Variants in ZNF888 observed in about 807,000 individuals in gnomAD.
The protein encoded by ZNF888 is zinc finger protein 888.
In ZNF888, 5 loss-of-function variants were observed where a neutral mutation model predicts 7.2. The ratio of observed to expected loss-of-function variants is 0.70; its 90% CI spans 0.36 to 1.46. The LOEUF is 1.46. ZNF888 is among the 40% of genes most tolerant of loss of function. The pLI, the probability that ZNF888 is intolerant of heterozygous loss-of-function variation, is 0.03. For synonymous variants in ZNF888, 240 were observed against 284.3 expected (o/e 0.84, Z 1.57); for missense variants, 716 against 858.0 (o/e 0.83, Z 2.07).
intron 1 of ZNF888, among the ~76,000 whole-genome samples, chr19:52,922,898 G>A (rs983882285): frequency 4.2e-5 from 5 of 119,002 alleles, no homozygotes; most frequent in African/African-American, 7.1e-5. Flanking sequence ...AACAGGGCCC[G>A]GCATGAGGAG....
In ZNF888 at chr19:52,908,110, C is replaced by A; in HGVS notation, c.212G>T (p.Gly71Val). 2 of 1,614,100 alleles carry A rather than the reference C, an allele frequency of 1.2e-6. No homozygotes were observed. Among genetic ancestry groups the A allele is most frequent in the Non-Finnish European group, 1.7e-6 (2 of 1,180,036 alleles). The change falls in exon 5 of 5, where the codon GGG becomes GTG. Residue 71 changes from glycine to valine, a missense_variant. Gly to Val is a moderately radical substitution (Grantham distance 109, BLOSUM62 -3). This residue lies in a region of ZNF888 where 697 missense variants were observed against 803.4 expected (regional missense o/e 0.87). Coordinates refer to ENST00000638862, the MANE Select transcript of ZNF888 (RefSeq NM_001393938.1). ...ATGACTTGCCAGTCTTTGCAATGTC[C>A]CTGTGTGGATCACTTCTGTATTGCC... is the stretch of plus-strand genomic sequence containing the variant. ...GKGNTEVIHT[G>V]TLQRLASHHI...
In ZNF888 at chr19:52,916,668, A is replaced by T. The variant is rs1187997242; in HGVS notation, c.15+1191T>A. Among the ~76,000 whole-genome samples the T allele has an allele frequency of 7.5e-5, 11 of 146,548 alleles. 1 individual carries two copies. The South Asian group carries it at 2.3e-3, about 31-fold the overall frequency. On this transcript the variant is annotated intron_variant, in intron 3 of 4. Coordinates refer to ENST00000638862, the MANE Select transcript of ZNF888 (RefSeq NM_001393938.1). Reference sequence around the variant, plus strand: ...GGTTTTAAATATATAAAAAGTAGCAAGTTTTGTTTAAGTGAAGAGGAATCT... The same window carrying T: ...GGTTTTAAATATATAAAAAGTAGCATGTTTTGTTTAAGTGAAGAGGAATCT...
chr19:52,919,512 C>A (rs1600690964), intron 1 of ZNF888, among the ~76,000 whole-genome samples: 1 of 71,276 alleles, frequency 1.4e-5, no homozygotes, highest in African/African-American at 4.4e-5. Context: ...TCGCTACAAC[C>A]TCCACCTCCC....
At chr19:52,920,533 G>GAAAAAAAAAAAAAAAA (rs1175516942) in intron 1 of ZNF888, among the ~76,000 whole-genome samples, 1 of 24,810 alleles carries the variant, frequency 4.0e-5, no homozygotes, top group Non-Finnish European at 8.3e-5. Flanking sequence ...AAAAGAAAAG[G>GAAAAAAAAAAAAAAAA]AAAAAAAAAA....
At position 52,905,883 on chromosome 19, in the gene ZNF888, G is replaced by A. The variant is rs549994964; in HGVS notation, c.*282C>T. 8.0e-6 allele frequency: 6 copies of A among 747,396 alleles called. No homozygotes were observed. In the East Asian group the frequency reaches 8.4e-5, roughly 10 times the overall value. The allele number at this position is 747,396 out of a possible 1,614,324, so 46.3% of individuals were successfully genotyped here. ...CTTTGATGTCTAATGAGGTGTGAAC[G>A]TGAAGTAAAGGCTTTGCTCACAATC... On this transcript the variant is annotated 3_prime_UTR_variant, in exon 5 of 5. Coordinates refer to ENST00000638862, the MANE Select transcript of ZNF888 (RefSeq NM_001393938.1).
chr19:52,911,401 T>TGC, intron 4 of ZNF888, among the ~76,000 whole-genome samples: 1 of 150,882 alleles, frequency 6.6e-6, no homozygotes, highest in Non-Finnish European at 1.5e-5. Flanking sequence ...TGCAGTGGCA[T>TGC]GATCTCAGCT....
In ZNF888 at chr19:52,907,737, G is replaced by T; in HGVS notation, c.585C>A (p.Phe195Leu). 1.9e-6 allele frequency: 3 copies of T among 1,613,636 alleles called. No individual in the cohort carries two copies. The South Asian group carries it at 3.3e-5, about 18-fold the overall frequency. Residue 195 changes from phenylalanine to leucine, a missense_variant, in exon 5 of 5, where the codon TTC becomes TTA. Coordinates refer to ENST00000638862, the MANE Select transcript of ZNF888 (RefSeq NM_001393938.1). ...THISNNYGNN[F>L]FHSSLLTQKQ... ...TCTGTGTGAGTAATGAAGAATGGAAGAAATTATTCCCATAGTTATTAGAAA... is the reference window on the plus strand; with the variant it reads ...TCTGTGTGAGTAATGAAGAATGGAATAAATTATTCCCATAGTTATTAGAAA...
At position 52,907,135 on chromosome 19, in the gene ZNF888, T is replaced by G; in HGVS notation, c.1187A>C (p.His396Pro). The change falls in exon 5 of 5, where the codon CAC becomes CCC. Residue 396 changes from histidine to proline, a missense_variant. His to Pro is a moderately conservative substitution (Grantham distance 77). Around this residue, in one of 2 missense-constraint regions of ZNF888, gnomAD observed 697 missense variants for 803.4 expected, o/e 0.87. Transcript: ENST00000638862. Reference sequence around the variant, plus strand: ...GTGAATTACAATATGCTGTGCCAGGTGTGAATCATGTCTGAAAGCCTTGTC... The same window carrying G: ...GTGAATTACAATATGCTGTGCCAGGGGTGAATCATGTCTGAAAGCCTTGTC... ...VCDKAFRHDSHLAQHIVIHTR... is the reference protein window; with the variant it reads ...VCDKAFRHDSPLAQHIVIHTR... 3 of 1,612,392 alleles carry G rather than the reference T, an allele frequency of 1.9e-6. No homozygotes were observed. The highest frequency in any genetic ancestry group is 2.2e-5 in the East Asian group (1 of 44,780).
chr19:52,905,742 T>G lies in ZNF888; in HGVS notation c.*423A>C, dbSNP rs2064600119. 1 of 511,234 alleles carries G rather than the reference T, an allele frequency of 2.0e-6. No homozygotes were observed. Among genetic ancestry groups the G allele is most frequent in the African/African-American group, 1.9e-5 (1 of 53,930 alleles). The allele number at this position is 511,234 out of a possible 1,614,324, so 31.7% of individuals were successfully genotyped here. A position where few individuals can be genotyped will look rare whatever the true frequency, so the allele number is the denominator to read the frequency against. On this transcript the variant is annotated 3_prime_UTR_variant, in exon 5 of 5. Coordinates refer to ENST00000638862, the MANE Select transcript of ZNF888 (RefSeq NM_001393938.1). Reference sequence around the variant, plus strand: ...ATGCTTGATGGTTTGCTATACTCATTGCATTCGGAACTATTATCTCAAAAA... The same window carrying G: ...ATGCTTGATGGTTTGCTATACTCATGGCATTCGGAACTATTATCTCAAAAA...
intron 4 of ZNF888, among the ~76,000 whole-genome samples, chr19:52,910,085 G>T (rs1043981691): frequency 2.8e-5 from 4 of 142,720 alleles, no homozygotes; most frequent in African/African-American, 1.0e-4. Context: ...GAAAGCGGAG[G>T]TTGCAGTGAG....
intron 1 of ZNF888, among the ~76,000 whole-genome samples, chr19:52,920,489 CA>C (rs1191621530): frequency 5.7e-3 from 39 of 6,868 alleles, no homozygotes; most frequent in Non-Finnish European, 0.01. Flanking sequence ...TGCTTGAAGG[CA>C]AAAAAAAAAA....
At position 52,907,703 on chromosome 19, in the gene ZNF888, C is replaced by T. The variant is rs1275466679; in HGVS notation, c.619G>A (p.Val207Ile). 6.2e-7 allele frequency: 1 copy of T among 1,611,766 alleles called. No individual in the cohort carries two copies. The highest frequency in any genetic ancestry group is 8.5e-7 in the Non-Finnish European group (1 of 1,178,978). ...TGGAAAGATTTTTCTTTCCTGTGTA[C>T]ATCCTGTTTCTGTGTGAGTAATGAA... ...HSSLLTQKQD[V>I]HRKEKSFQFN... Residue 207 changes from valine to isoleucine, a missense_variant, in exon 5 of 5, where the codon GTA (valine) becomes ATA (isoleucine). Val to Ile is a conservative substitution (Grantham distance 29). Transcript: ENST00000638862.
chr19:52,919,992 G>A (rs1248285236), intron 1 of ZNF888, among the ~76,000 whole-genome samples: 3 of 51,932 alleles, frequency 5.8e-5, no homozygotes, highest in African/African-American at 1.6e-4. Context: ...GGTGAGGGGC[G>A]CCTCTGCCCG....
rs1287853278 is a variant in ZNF888, at chr19:52,915,193, C to T, written c.142+3G>A. Reference sequence around the variant, plus strand: ...ACATCCCCAGGAAGGAAGTTATCCTCACCCAGGGAGACCAGGTTCCTATAA... The same window carrying T: ...ACATCCCCAGGAAGGAAGTTATCCTTACCCAGGGAGACCAGGTTCCTATAA... On this transcript the variant is annotated splice_donor_region_variant and intron_variant, in intron 4 of 4. Transcript: ENST00000638862. 2.5e-6 allele frequency: 4 copies of T among 1,568,944 alleles called. No individual in the cohort carries two copies. Among genetic ancestry groups the T allele is most frequent in the African/African-American group, 1.5e-5 (1 of 65,834 alleles).
intron 3 of ZNF888, among the ~76,000 whole-genome samples, chr19:52,916,617 T>TATAC (rs199730498): frequency 9.0e-3 from 145 of 16,102 alleles, no homozygotes; most frequent in African/African-American, 0.017. Context: ...TACATATACA[T>TATAC]ATATATATAT....
At position 52,907,759 on chromosome 19, in the gene ZNF888, G is replaced by T; in HGVS notation, c.563C>A (p.Ser188Tyr). Residue 188 changes from serine to tyrosine, a missense_variant, in exon 5 of 5, where the codon TCT becomes TAT. Ser to Tyr is a moderately radical substitution (Grantham distance 144). Coordinates refer to ENST00000638862, the MANE Select transcript of ZNF888 (RefSeq NM_001393938.1). ...GAAGAAATTATTCCCATAGTTATTAGAAATATGGGTTTTGGGCCTACAAGA... is the reference window on the plus strand; with the variant it reads ...GAAGAAATTATTCCCATAGTTATTATAAATATGGGTTTTGGGCCTACAAGA... ...RISCRPKTHI[S>Y]NNYGNNFFHS... The T allele has an allele frequency of 6.2e-7, 1 of 1,614,030 alleles. No individual in the cohort carries two copies. Among genetic ancestry groups the T allele is most frequent in the Non-Finnish European group, 8.5e-7 (1 of 1,179,994 alleles).
intron 4 of ZNF888, among the ~76,000 whole-genome samples, chr19:52,913,357 C>T (rs1177194693): frequency 5.7e-5 from 7 of 122,528 alleles, no homozygotes. Flanking sequence ...TGGAGTCTCA[C>T]TCTGTCACCC....
chr19:52,912,280 A>AT (rs937331192), intron 4 of ZNF888, among the ~76,000 whole-genome samples: 1 of 147,572 alleles, frequency 6.8e-6, no homozygotes, highest in African/African-American at 2.5e-5. Flanking sequence ...CGCCCGGCTA[A>AT]TTTTTTGTAT....
chr19:52,917,403 A>G, intron 3 of ZNF888: 1 of 363,852 alleles, frequency 2.7e-6, no homozygotes, highest in Non-Finnish European at 5.0e-6. Context: ...TCACTCAATT[A>G]CCTAAAAATG....
Sources: allele counts gnomAD v4.1 joint callset (sites outside exome capture counted in the v4.1 genomes callset), GRCh38; gene constraint gnomAD v4.1.1; regional missense constraint gnomAD v4.1.1; transcripts MANE v1.5; gene names NCBI Gene and HGNC (gene_info 2026-07-23, HGNC 2026-07-21).